The following CGGBP1 variants were observed in gnomAD, a reference collection of about 807,000 sequenced individuals.
CGGBP1 encodes CGG triplet repeat binding protein 1.
CGGBP1 carries 4 observed loss-of-function variants against 11.4 expected under a neutral mutation model. The ratio of observed to expected loss-of-function variants is 0.35; its 90% confidence interval spans 0.17 to 0.80. CGGBP1 has a LOEUF of 0.80. CGGBP1 is among the 30% of genes least tolerant of loss of function. The pLI is 0.52. For synonymous variants in CGGBP1, 76 were observed against 74.1 expected (o/e 1.03, Z -0.13); for missense variants, 135 against 202.1 (o/e 0.67, Z 2.01).
rs1284685452 is a variant in CGGBP1 at position 88,052,638 on chromosome 3, T to A, written c.*2835A>T. Reference sequence around the variant, plus strand: ...AATCTCAAGCTTAATTGGTTACCATTATAAGATGCAGAACTTTTTAATGTT... The same window carrying A: ...AATCTCAAGCTTAATTGGTTACCATAATAAGATGCAGAACTTTTTAATGTT... On this transcript the variant is annotated 3_prime_UTR_variant, in exon 4 of 4. Coordinates refer to ENST00000482016, the MANE Select transcript of CGGBP1 (RefSeq NM_001008390.2). The A allele has an allele frequency of 6.6e-6, 1 of 152,414 alleles. No individual in the cohort carries two copies. Among genetic ancestry groups the A allele is most frequent in the East Asian group, 1.9e-4 (1 of 5,202 alleles). 9.4% of individuals were successfully genotyped at this position (152,414 alleles called of 1,614,324 possible). A position where few individuals can be genotyped will look rare whatever the true frequency, so the allele number is the denominator to read the frequency against.
intron 2 of CGGBP1, chr3:88,139,781 G>GGATGAAGAAGGTGAT: frequency 6.4e-7 from 1 of 1,554,482 alleles, no homozygotes. Context: ...AGGAGGAAGA[G>GGATGAAGAAGGTGAT]GATGAAGAAG....
chr3:88,059,883 G>A (rs1375264876), upstream of CGGBP1, among the ~76,000 whole-genome samples: 1 of 151,982 alleles, frequency 6.6e-6, no homozygotes, highest in Non-Finnish European at 1.5e-5. Flanking sequence ...GGCACCTCTG[G>A]TAACATTTTC....
intron 2 of CGGBP1, among the ~76,000 whole-genome samples, chr3:88,113,721 C>A (rs982293979): frequency 1.3e-5 from 2 of 152,078 alleles, no homozygotes; most frequent in African/African-American, 4.8e-5. Context: ...GGGAAGCAAC[C>A]CTGACCCACT....
At position 88,052,208 on chromosome 3, in the gene CGGBP1, C is replaced by G. The variant is rs14746; in HGVS notation, c.*3265G>C. The G allele has an allele frequency of 6.6e-6, 1 of 152,540 alleles. No individual in the cohort carries two copies. Among genetic ancestry groups the G allele is most frequent in the Non-Finnish European group, 1.5e-5 (1 of 68,020 alleles). The allele number at this position is 152,540 out of a possible 1,614,324, so 9.4% of individuals were successfully genotyped here. On this transcript the variant is annotated 3_prime_UTR_variant, in exon 4 of 4. Transcript: ENST00000482016. ...TAAGAATTGTATTTACCTAAGAAAT[C>G]TATGATAGTGTGGGTGGAGATAAAC...
intron 2 of CGGBP1, among the ~76,000 whole-genome samples, chr3:88,066,932 G>C (rs1289185575): frequency 6.6e-6 from 1 of 152,230 alleles, no homozygotes; most frequent in Non-Finnish European, 1.5e-5. Flanking sequence ...TAATGTTAAA[G>C]ATATTAGGAG....
intron 2 of CGGBP1, among the ~76,000 whole-genome samples, chr3:88,081,103 T>C (rs1335742837): frequency 1.3e-5 from 2 of 152,188 alleles, no homozygotes; most frequent in Non-Finnish European, 2.9e-5. Context: ...TTTTGTAGAA[T>C]ATCCCTCAGT....
chr3:88,129,067 C>CAAAAA, intron 2 of CGGBP1: 1 of 1,036,218 alleles, frequency 9.7e-7, no homozygotes, highest in Non-Finnish European at 1.3e-6. Context: ...AAAAAAAAAC[C>CAAAAA]AAAAAAAAAA....
intron 2 of CGGBP1, among the ~76,000 whole-genome samples, chr3:88,094,354 G>A (rs974992382): frequency 6.6e-6 from 1 of 151,990 alleles, no homozygotes; most frequent in Non-Finnish European, 1.5e-5. Context: ...TCCTTTTATT[G>A]ATTTTGGAGT....
At chr3:88,105,950 C>T (rs913713130) in intron 2 of CGGBP1, among the ~76,000 whole-genome samples, 1 of 152,164 alleles carries the variant, frequency 6.6e-6, no homozygotes, top group Non-Finnish European at 1.5e-5. Context: ...AATTTGGCCT[C>T]TTTTTGCTGC....
chr3:88,125,890 A>C (rs1405310596), intron 2 of CGGBP1, among the ~76,000 whole-genome samples: 1 of 152,198 alleles, frequency 6.6e-6, no homozygotes, highest in Non-Finnish European at 1.5e-5. Flanking sequence ...TTTAGGTTAC[A>C]CGTCATCCCT....
rs1196869310 is a variant in CGGBP1, at chr3:88,054,584, G to C, written c.*889C>G. 6.6e-6 allele frequency: 1 copy of C among 152,098 alleles called. No individual in the cohort carries two copies. The highest frequency in any genetic ancestry group is 2.4e-5 in the African/African-American group (1 of 41,372). The allele number at this position is 152,098 out of a possible 1,614,324, so 9.4% of individuals were successfully genotyped here. A position where few individuals can be genotyped will look rare whatever the true frequency, so the allele number is the denominator to read the frequency against. Reference sequence around the variant, plus strand: ...TAATGAATAGAAAGTAATTTTATCTGATCTGTCAGCCAAAAAAAAATTACT... The same window carrying C: ...TAATGAATAGAAAGTAATTTTATCTCATCTGTCAGCCAAAAAAAAATTACT... On this transcript the variant is annotated 3_prime_UTR_variant, in exon 4 of 4. Transcript: ENST00000482016.
intron 2 of CGGBP1, among the ~76,000 whole-genome samples, chr3:88,098,827 G>A (rs1251785998): frequency 2.0e-5 from 3 of 152,034 alleles, no homozygotes; most frequent in Non-Finnish European, 4.4e-5. Context: ...GTATTGATGG[G>A]ACCTATCTCA....
upstream of CGGBP1, chr3:88,059,263 C>T (rs1028936957): frequency 3.9e-6 from 6 of 1,531,430 alleles, no homozygotes; most frequent in Middle Eastern, 2.2e-4. Flanking sequence ...TTAGCCTAGG[C>T]ATCTACGGCG....
intron 2 of CGGBP1, among the ~76,000 whole-genome samples, chr3:88,085,825 C>CA (rs1398143561): frequency 2.0e-5 from 3 of 152,142 alleles, no homozygotes; most frequent in Admixed American, 6.5e-5. Context: ...CTTTTGTTGT[C>CA]AGAATATTCA....
rs988034136 is a variant in CGGBP1 at position 88,055,809 on chromosome 3, A to C, written c.168T>G (p.Ser56=). The C allele has an allele frequency of 6.2e-7, 1 of 1,614,202 alleles. No individual in the cohort carries two copies. Among genetic ancestry groups the C allele is most frequent in the Non-Finnish European group, 8.5e-7 (1 of 1,180,006 alleles). Residue 56 remains serine, a synonymous_variant, in exon 4 of 4, where the codon TCT becomes TCG. Coordinates refer to ENST00000482016, the MANE Select transcript of CGGBP1 (RefSeq NM_001008390.2). This position sits in a 1 kb window ranked among gnomAD's most constrained non-coding sequence, Gnocchi z 4.2. ...TTGACTTGAGGTGGTCACTAATGGC[A>C]GACTTGCGAACATGATTCAGAACCA... ...CNVVLNHVRK[S]AISDHLKSKT... is the part of the protein sequence containing the mutation.
At chr3:88,106,722 G>A (rs1352444258) in intron 2 of CGGBP1, among the ~76,000 whole-genome samples, 1 of 151,804 alleles carries the variant, frequency 6.6e-6, no homozygotes, top group Admixed American at 6.6e-5. Flanking sequence ...TTTTTAAAAT[G>A]TAATTAAAAT....
At chr3:88,056,069 A>G (rs1200810202) in intron 3 of CGGBP1, 70 bp from the exon 4 acceptor site, 2 of 1,200,848 alleles carry the variant, frequency 1.7e-6, no homozygotes, top group East Asian at 4.7e-5. Context: ...GAACAATAAA[A>G]GGCAGTATAT....
At chr3:88,128,744 C>A in intron 2 of CGGBP1, 2 of 1,197,188 alleles carry the variant, frequency 1.7e-6, no homozygotes, top group Non-Finnish European at 2.3e-6. Flanking sequence ...GGTAAAGTTT[C>A]AAAGAACAAA....
chr3:88,096,759 AGT>A (rs1368637352), intron 2 of CGGBP1, among the ~76,000 whole-genome samples: 1 of 152,098 alleles, frequency 6.6e-6, no homozygotes, highest in Non-Finnish European at 1.5e-5. Context: ...AAATTCGAAA[AGT>A]GTGGCGTATA....
Sources: gnomAD v4.1 joint callset for allele counts (sites outside exome capture counted in the v4.1 genomes callset) on GRCh38, gnomAD v4.1.1 for gene constraint, Gnocchi (gnomAD v3.1) non-coding constraint, MANE v1.5 for transcripts, NCBI Gene and HGNC (gene_info 2026-07-23, HGNC 2026-07-21) for gene names.